Variants in AGAP1 observed in about 807,000 individuals in gnomAD.
The protein encoded by AGAP1 is arf-GAP with GTPase, ANK repeat and PH domain-containing protein 1.
In AGAP1, 29 loss-of-function variants were observed where a neutral mutation model predicts 105.3. That is an observed-to-expected ratio of 0.28 (90% confidence interval 0.21 to 0.38). The LOEUF is 0.38. Among genes scored for constraint, AGAP1 ranks in the 10% least tolerant of loss-of-function variants. AGAP1 has a pLI of 1.00. For synonymous variants in AGAP1, 509 were observed against 485.9 expected, an observed-to-expected ratio of 1.05 and a Z score of -0.63; for missense variants, 998 against 1,165.1, an observed-to-expected ratio of 0.86 and a Z score of 2.09.
chr2:235,749,658 GC>G (rs1310097343), intron 5 of AGAP1, among the ~76,000 whole-genome samples: 1 of 151,912 alleles, frequency 6.6e-6, no homozygotes, highest in Non-Finnish European at 1.5e-5. Flanking sequence ...TGCCTACTGC[GC>G]CCCACCTGCT....
rs375617435 is a variant in AGAP1 at position 236,090,035 on chromosome 2, GT to G, written c.2115-30153del. 1.7e-4 allele frequency among the ~76,000 whole-genome samples: 26 copies of G among 152,318 alleles called. No homozygotes were observed. The South Asian group carries it at 4.8e-3, about 28-fold the overall frequency. ...GCAAATGAATCCATCGGATACAGAAGTTTTGAGGTGAGTGGAGTTGCAGGGA... is the reference window on the plus strand; with the variant it reads ...GCAAATGAATCCATCGGATACAGAAGTTTGAGGTGAGTGGAGTTGCAGGGA... On this transcript the variant is annotated intron_variant, in intron 16 of 17. Coordinates refer to ENST00000304032, the MANE Select transcript of AGAP1 (RefSeq NM_001037131.3). This position sits in a 1 kb window ranked among gnomAD's most constrained non-coding sequence, Gnocchi z 4.3.
intron 1 of AGAP1, among the ~76,000 whole-genome samples, chr2:235,521,713 C>A (rs1200508008): frequency 7.0e-6 from 1 of 143,358 alleles, no homozygotes; most frequent in Admixed American, 7.0e-5. Flanking sequence ...TGGGATCGAT[C>A]CAGTTTCTTG....
intron 1 of AGAP1, among the ~76,000 whole-genome samples, chr2:235,634,696 G>T (rs1946934528): frequency 6.6e-6 from 1 of 152,018 alleles, no homozygotes; most frequent in South Asian, 2.1e-4. Flanking sequence ...ACATTTTTGT[G>T]GCTTTTTCCT....
chr2:235,540,148 C>CTTTTTT (rs535395155), intron 1 of AGAP1, among the ~76,000 whole-genome samples: 1 of 129,112 alleles, frequency 7.7e-6, no homozygotes, highest in Admixed American at 7.8e-5. Context: ...CCTCTCTCCT[C>CTTTTTT]TTTTTTTTTT....
At chr2:235,657,233 G>A (rs1406063) in intron 1 of AGAP1, among the ~76,000 whole-genome samples, 68,676 of 152,020 alleles carry the variant, frequency 0.45, 15,630 homozygotes, top group Middle Eastern at 0.52. Context: ...TAGGGCACTG[G>A]GTAGCCCTGG....
In AGAP1 at chr2:235,633,963, A is replaced by G. The variant is rs1438057299; in HGVS notation, c.164-75216A>G. Reference sequence around the variant, plus strand: ...CTGAGGGTGGCCTTTACTTTGGGGTATCAGTTTTCCGAGCCCCAGCAAGCC... The same window carrying G: ...CTGAGGGTGGCCTTTACTTTGGGGTGTCAGTTTTCCGAGCCCCAGCAAGCC... On this transcript the variant is annotated intron_variant, in intron 1 of 17. Transcript: ENST00000304032. The surrounding 1 kb of genome is among the most constrained non-coding windows in gnomAD (Gnocchi z 4.8). Among the ~76,000 whole-genome samples the G allele has an allele frequency of 2.6e-5, 4 of 152,112 alleles. No homozygotes were observed. The highest frequency in any genetic ancestry group is 2.6e-4 in the Admixed American group (4 of 15,274).
At position 235,646,340 on chromosome 2, in the gene AGAP1, T is replaced by G. The variant is rs185013609; in HGVS notation, c.164-62839T>G. ...GAGCCATCTTAAGATAATGCATCTT[T>G]ATTTAACAGTTATGAATAGAATCTC... On this transcript the variant is annotated intron_variant, in intron 1 of 17. Coordinates refer to ENST00000304032, the MANE Select transcript of AGAP1 (RefSeq NM_001037131.3). 9.7e-4 allele frequency among the ~76,000 whole-genome samples: 147 copies of G among 152,260 alleles called. 1 individual carries two copies. In the Middle Eastern group the frequency reaches 0.027, roughly 28 times the overall value.
chr2:235,737,040 T>C lies in AGAP1; in HGVS notation c.311-3923T>C, dbSNP rs1952296149. Among the ~76,000 whole-genome samples the C allele has an allele frequency of 6.6e-6, 1 of 152,160 alleles. No homozygotes were observed. The highest frequency in any genetic ancestry group is 1.5e-5 in the Non-Finnish European group (1 of 68,022). ...CAAGTGTAGAAAATGAATTTTAAAG[T>C]GTTACCTACCTGCCAGCCCAGACTT... On this transcript the variant is annotated intron_variant, in intron 3 of 17. Coordinates refer to ENST00000304032, the MANE Select transcript of AGAP1 (RefSeq NM_001037131.3). The surrounding 1 kb of genome is among the most constrained non-coding windows in gnomAD (Gnocchi z 4.5).
Position 236,095,780 on chromosome 2 carries a change from G to A in AGAP1, c.2115-24412G>A, listed in dbSNP as rs1421026644. Among the ~76,000 whole-genome samples, 2 of 152,162 alleles carry A rather than the reference G, an allele frequency of 1.3e-5. No homozygotes were observed. Among genetic ancestry groups the A allele is most frequent in the African/African-American group, 4.8e-5 (2 of 41,444 alleles). ...TATATTAGTTCAGGGCTAGATTATG[G>A]ATAGTTGCACAGAGATAGTCCCTAA... On this transcript the variant is annotated intron_variant, in intron 16 of 17. Coordinates refer to ENST00000304032, the MANE Select transcript of AGAP1 (RefSeq NM_001037131.3). The surrounding 1 kb of genome is among the most constrained non-coding windows in gnomAD (Gnocchi z 4.1).
intron 9 of AGAP1, among the ~76,000 whole-genome samples, chr2:235,869,207 C>T (rs1419098442): frequency 2.0e-5 from 3 of 151,940 alleles, no homozygotes; most frequent in Non-Finnish European, 4.4e-5. Context: ...GTTTGTACCT[C>T]GAATCTTGCG....
At chr2:235,745,327 T>C (rs1050413128) in intron 5 of AGAP1, among the ~76,000 whole-genome samples, 3 of 152,238 alleles carry the variant, frequency 2.0e-5, no homozygotes, top group African/African-American at 7.2e-5. Flanking sequence ...CTGTATCTTA[T>C]TTTTAATCTG....
chr2:236,110,767 A>G (rs1452731778), intron 16 of AGAP1, among the ~76,000 whole-genome samples: 1 of 152,212 alleles, frequency 6.6e-6, no homozygotes, highest in African/African-American at 2.4e-5. Context: ...AGATGGAGAA[A>G]TTATGCAGAA....
rs1287665658 is a variant in AGAP1, at chr2:236,090,374, G to C, written c.2115-29818G>C. 6.6e-6 allele frequency among the ~76,000 whole-genome samples: 1 copy of C among 152,188 alleles called. No individual in the cohort carries two copies. Among genetic ancestry groups the C allele is most frequent in the Non-Finnish European group, 1.5e-5 (1 of 68,042 alleles). ...TCAATTACTTCTCTCTGGTTTTTGA[G>C]ACGCACACTCAAGAGTCACAAATTA... On this transcript the variant is annotated intron_variant, in intron 16 of 17. Transcript: ENST00000304032. The surrounding 1 kb of genome is among the most constrained non-coding windows in gnomAD (Gnocchi z 4.3).
rs1300777557 is a variant in AGAP1, at chr2:235,700,383, A to T, written c.164-8796A>T. Among the ~76,000 whole-genome samples the T allele has an allele frequency of 6.6e-6, 1 of 152,126 alleles. No individual in the cohort carries two copies. The highest frequency in any genetic ancestry group is 1.5e-5 in the Non-Finnish European group (1 of 68,040). Reference sequence around the variant, plus strand: ...TCAAATCCTCACGCCCTCTGCTTTGATTCTCTCAGACGTGAATCCTTTAAG... The same window carrying T: ...TCAAATCCTCACGCCCTCTGCTTTGTTTCTCTCAGACGTGAATCCTTTAAG... On this transcript the variant is annotated intron_variant, in intron 1 of 17. Transcript: ENST00000304032. This position sits in a 1 kb window ranked among gnomAD's most constrained non-coding sequence, Gnocchi z 6.1.
In AGAP1 at chr2:235,796,298, G is replaced by T. The variant is rs553814648; in HGVS notation, c.674-1461G>T. Among the ~76,000 whole-genome samples, 5 of 152,306 alleles carry T rather than the reference G, an allele frequency of 3.3e-5. No homozygotes were observed. In the South Asian group the frequency reaches 8.3e-4, roughly 25 times the overall value. ...ACATTTTGCATCTGTTGAAATCTTA[G>T]ATTTTATTTTTGAGTTCACATAATG... On this transcript the variant is annotated intron_variant, in intron 6 of 17. Coordinates refer to ENST00000304032, the MANE Select transcript of AGAP1 (RefSeq NM_001037131.3).
rs974101124 is a variant in AGAP1, at chr2:235,893,220, G to C, written c.1155+9771G>C. ...GTGGGTGTGCCATGTCCATCATAATGAAGCACCATGTCTGTAGCGCGGGTG... is the reference window on the plus strand; with the variant it reads ...GTGGGTGTGCCATGTCCATCATAATCAAGCACCATGTCTGTAGCGCGGGTG... On this transcript the variant is annotated intron_variant, in intron 10 of 17. Coordinates refer to ENST00000304032, the MANE Select transcript of AGAP1 (RefSeq NM_001037131.3). The surrounding 1 kb of genome is among the most constrained non-coding windows in gnomAD (Gnocchi z 4.7). 6.6e-6 allele frequency among the ~76,000 whole-genome samples: 1 copy of C among 150,956 alleles called. No individual in the cohort carries two copies. The highest frequency in any genetic ancestry group is 2.4e-5 in the African/African-American group (1 of 41,018).
At chr2:235,756,327 A>G (rs1458851431) in intron 6 of AGAP1, among the ~76,000 whole-genome samples, 2 of 152,002 alleles carry the variant, frequency 1.3e-5, no homozygotes, top group East Asian at 1.9e-4. Context: ...TCTTGAGCCA[A>G]TGCACCCTAA....
At chr2:236,010,104 A>G (rs1209434086) in intron 13 of AGAP1, among the ~76,000 whole-genome samples, 1 of 144,524 alleles carries the variant, frequency 6.9e-6, no homozygotes, top group African/African-American at 2.8e-5. Flanking sequence ...TCAGGCATTC[A>G]CATGTGTTAG....
chr2:235,772,268 G>A (rs1223733861), intron 6 of AGAP1, among the ~76,000 whole-genome samples: 2 of 152,006 alleles, frequency 1.3e-5, no homozygotes, highest in Non-Finnish European at 2.9e-5. Context: ...CTGGGATTAC[G>A]TGTGTGAGCC....
Sources: allele counts gnomAD v4.1 joint callset (sites outside exome capture counted in the v4.1 genomes callset), GRCh38; gene constraint gnomAD v4.1.1; non-coding constraint Gnocchi (gnomAD v3.1); transcripts MANE v1.5; gene names NCBI Gene and HGNC (gene_info 2026-07-23, HGNC 2026-07-21).